The following PDXDC1 variants were observed in gnomAD, a reference collection of about 807,000 sequenced individuals.
PDXDC1 encodes pyridoxal-dependent decarboxylase domain-containing protein 1.
Under a neutral mutation model 100.1 loss-of-function variants are expected in PDXDC1, and 42 were observed. That is an observed-to-expected ratio of 0.42 (90% CI 0.33 to 0.54). The LOEUF is 0.54. PDXDC1 is among the 20% of genes least tolerant of loss of function. PDXDC1 has a pLI of 0.10. For missense variants in PDXDC1, 636 were observed against 979.2 expected, an observed-to-expected ratio of 0.65 and a Z score of 4.68; for synonymous variants, 260 against 371.7, an observed-to-expected ratio of 0.70 and a Z score of 3.46.
chr16:14,996,330 G>A lies in PDXDC1; in HGVS notation c.22-1423G>A, dbSNP rs573898284. ...TGTAACATATTGCTAGATACAGTGA[G>A]CAATAGGAAAAGGTAAACACAGCTC... On this transcript the variant is annotated intron_variant, in intron 1 of 22. Transcript: ENST00000396410. The A allele has an allele frequency of 5.9e-5, 26 of 438,736 alleles. No individual in the cohort carries two copies. In the East Asian group the frequency reaches 1.1e-3, roughly 19 times the overall value. The allele number at this position is 438,736 out of a possible 1,614,324, so 27.2% of individuals were successfully genotyped here.
rs538332908 is a variant in PDXDC1 at position 15,121,918 on chromosome 16, G to A, written c.1400-16961G>A. 413 of 242,144 alleles carry A rather than the reference G, an allele frequency of 1.7e-3. 3 individuals carry two copies. Among genetic ancestry groups the A allele is most frequent in the African/African-American group, 7.4e-3 (309 of 41,678 alleles). The allele number at this position is 242,144 out of a possible 1,614,324, so 15.0% of individuals were successfully genotyped here. A position where few individuals can be genotyped will look rare whatever the true frequency, so the allele number is the denominator to read the frequency against. ...CCAGCACTGGGAGGCCGAGGCAGGC[G>A]GATCACGAGGTCAAGAGATGGAGAC... On this transcript the variant is annotated intron_variant, in intron 16 of 16. Coordinates refer to the PDXDC1 transcript ENST00000535621.
intron 16 of PDXDC1, among the ~76,000 whole-genome samples, chr16:15,096,650 C>G (rs2046365414): frequency 6.6e-6 from 1 of 152,240 alleles, no homozygotes; most frequent in African/African-American, 2.4e-5. Flanking sequence ...CAAAAAGCAA[C>G]AATAGCAAAA....
Position 15,106,427 on chromosome 16 carries a change from T to G in PDXDC1, c.1400-32452T>G, listed in dbSNP as rs1026605643. On this transcript the variant is annotated intron_variant, in intron 16 of 16. Transcript: ENST00000535621. ...CACAACTGTACCCTTACACAATCTA[T>G]CTCTACCTAGAAAACGTATTTCAGA... 112 of 607,792 alleles carry G rather than the reference T, an allele frequency of 1.8e-4. 2 individuals are homozygous for G. In the African/African-American group the frequency reaches 1.9e-3, roughly 10 times the overall value. The allele number at this position is 607,792 out of a possible 1,614,324, so 37.6% of individuals were successfully genotyped here.
intron 1 of PDXDC1, among the ~76,000 whole-genome samples, chr16:14,991,761 A>T (rs1408270878): frequency 6.6e-6 from 1 of 151,920 alleles, no homozygotes; most frequent in Non-Finnish European, 1.5e-5. Context: ...GACTCAACTG[A>T]TCCTCCTTCC....
intron 21 of PDXDC1, among the ~76,000 whole-genome samples, 173 bp downstream of exon 21, chr16:15,034,726 A>T (rs1051340578): frequency 6.6e-6 from 1 of 151,868 alleles, no homozygotes; most frequent in Non-Finnish European, 1.5e-5. Context: ...CCTCCTCCCC[A>T]CCGCACCCTG....
At chr16:15,034,129 T>C (rs7192563) in intron 19 of PDXDC1, 157 bp from the exon 20 acceptor site, 519,657 of 634,276 alleles carry the variant, frequency 0.82, 215,085 homozygotes, top group Admixed American at 0.89. Context: ...GCATGTTATC[T>C]GCTTGTCTTT....
intron 16 of PDXDC1, chr16:15,131,085 A>G: frequency 6.2e-7 from 1 of 1,606,064 alleles, no homozygotes; most frequent in South Asian, 1.1e-5. Flanking sequence ...CGCTGCACGC[A>G]CCGTCCAGCA....
chr16:15,132,878 G>A (rs2048174188), intron 16 of PDXDC1: 1 of 1,591,196 alleles, frequency 6.3e-7, no homozygotes, highest in Non-Finnish European at 8.5e-7. Flanking sequence ...CTCGTACTGG[G>A]GCAGGCAGGC....
chr16:15,122,400 A>G (rs2047467203), intron 16 of PDXDC1, among the ~76,000 whole-genome samples: 1 of 145,672 alleles, frequency 6.9e-6, no homozygotes, highest in African/African-American at 2.6e-5. Context: ...TTTTTTGTAG[A>G]GATGGGGTTT....
intron 12 of PDXDC1, among the ~76,000 whole-genome samples, chr16:15,020,939 C>A (rs541844532): frequency 6.6e-6 from 1 of 151,934 alleles, no homozygotes; most frequent in Non-Finnish European, 1.5e-5. Context: ...AAGCCAAGAT[C>A]GTGCCACTGC....
chr16:15,032,097 CAGGG>C lies in PDXDC1; in HGVS notation c.1571+196_1571+199del. 3 of 590,632 alleles carry C rather than the reference CAGGG, an allele frequency of 5.1e-6. No individual in the cohort carries two copies. The South Asian group carries it at 6.4e-5, about 13-fold the overall frequency. The allele number at this position is 590,632 out of a possible 1,614,324, so 36.6% of individuals were successfully genotyped here. A position where few individuals can be genotyped will look rare whatever the true frequency, so the allele number is the denominator to read the frequency against. On this transcript the variant is annotated intron_variant, in intron 17 of 22. Coordinates refer to ENST00000396410, the MANE Select transcript of PDXDC1 (RefSeq NM_015027.4). ...CAGGCAATTTGGCCAGCGTGGCGCTCAGGGAGGGGAGTTGCTGAATGTTCTGTCT... is the reference window on the plus strand; with the variant it reads ...CAGGCAATTTGGCCAGCGTGGCGCTCAGGGGAGTTGCTGAATGTTCTGTCT...
chr16:15,032,662 A>G, intron 17 of PDXDC1, 199 bp from the exon 18 acceptor site: 1 of 474,950 alleles, frequency 2.1e-6, no homozygotes. Context: ...TTAAAAAAAA[A>G]AAAAAAAGGC....
At position 14,975,064 on chromosome 16, in the gene PDXDC1, G is replaced by A. The variant is rs1222191329; in HGVS notation, c.-136G>A. 11 of 1,511,442 alleles carry A rather than the reference G, an allele frequency of 7.3e-6. No individual in the cohort carries two copies. The highest frequency in any genetic ancestry group is 1.4e-5 in the African/African-American group (1 of 71,788). 93.6% of individuals were successfully genotyped at this position (1,511,442 alleles called of 1,614,324 possible). A position where few individuals can be genotyped will look rare whatever the true frequency, so the allele number is the denominator to read the frequency against. ...GGTTCGGCAGCCCGCGGCGCCGCCT[G>A]GCAGCTCCTCCTCTTCTCCGCCCCG... On this transcript the variant is annotated 5_prime_UTR_variant, in exon 1 of 23. Transcript: ENST00000396410.
intron 16 of PDXDC1, chr16:15,130,502 G>T: frequency 7.4e-7 from 1 of 1,350,446 alleles, no homozygotes; most frequent in Non-Finnish European, 1.1e-6. Context: ...CCGCCAGGTT[G>T]GATATCGGAG....
chr16:15,089,798 A>C (rs2046055379), intron 16 of PDXDC1, among the ~76,000 whole-genome samples: 1 of 150,168 alleles, frequency 6.7e-6, no homozygotes, highest in Non-Finnish European at 1.5e-5. Context: ...AAAAAAAAAA[A>C]AAAAAAAAAA....
chr16:14,988,288 A>C, intron 1 of PDXDC1: 1 of 1,613,674 alleles, frequency 6.2e-7, no homozygotes, highest in Non-Finnish European at 8.5e-7. Context: ...TTACTCCTGC[A>C]GAGGGGCTTG....
At chr16:15,002,603 A>G (rs1220527843) in intron 4 of PDXDC1, among the ~76,000 whole-genome samples, 1 of 152,298 alleles carries the variant, frequency 6.6e-6, no homozygotes, top group Non-Finnish European at 1.5e-5. Context: ...ACATTGCTGC[A>G]GCAAACAACT....
At chr16:14,982,555 A>C (rs1339889900) in intron 1 of PDXDC1, among the ~76,000 whole-genome samples, 31 of 150,210 alleles carry the variant, frequency 2.1e-4, no homozygotes, top group Admixed American at 1.5e-3. Context: ...ACTCCATCTC[A>C]AAAAAAAAAG....
At chr16:15,049,055 G>A (rs1046570658) in intron 16 of PDXDC1, among the ~76,000 whole-genome samples, 4 of 145,954 alleles carry the variant, frequency 2.7e-5, no homozygotes, top group African/African-American at 5.2e-5. Flanking sequence ...CGCCACACCT[G>A]GCTGAGTTTT....
Sources: allele counts gnomAD v4.1 joint callset (sites outside exome capture counted in the v4.1 genomes callset), GRCh38; gene constraint gnomAD v4.1.1; transcripts MANE v1.5; gene names NCBI Gene and HGNC (gene_info 2026-07-23, HGNC 2026-07-21).